The following RBM34 variants were observed in gnomAD, a reference collection of about 807,000 sequenced individuals.
RBM34 encodes the protein RNA binding motif protein 34.
In RBM34, 39 loss-of-function variants were observed where a neutral mutation model predicts 44.6. The observed-to-expected ratio is 0.87, with a 90% CI of 0.68 to 1.14. The LOEUF is 1.14. Ranked by LOEUF, RBM34 falls within the 50% of genes most tolerant of loss-of-function variation. RBM34 has a pLI of 0.00. For missense variants in RBM34, 572 were observed against 517.9 expected (o/e 1.10, Z -1.01); for synonymous variants, 194 against 184.0 (o/e 1.05, Z -0.44).
chr1:235,154,937 A>G lies in RBM34; in HGVS notation c.541T>C (p.Leu181=), dbSNP rs377585278. ...KIQINQEEER[L]KNERTVFVGN... ...ACAAACACAGTTCTCTCATTCTTTA[A>G]TCTCTCTTCTTCTTGGTTGATTTGA... Residue 181 remains leucine, a synonymous_variant, in exon 4 of 11, where the codon TTA becomes CTA. Coordinates refer to ENST00000408888, the MANE Select transcript of RBM34 (RefSeq NM_015014.4). The G allele has an allele frequency of 2.4e-5, 39 of 1,613,938 alleles. No individual in the cohort carries two copies. The highest frequency in any genetic ancestry group is 3.2e-5 in the Non-Finnish European group (38 of 1,179,952).
intron 3 of RBM34, among the ~76,000 whole-genome samples, chr1:235,156,901 G>C (rs1662474479): frequency 6.6e-6 from 1 of 152,192 alleles, no homozygotes. Context: ...ACATAAACGA[G>C]AAAGGCTTCT....
chr1:235,143,849 T>C (rs1661789996), intron 6 of RBM34, among the ~76,000 whole-genome samples: 2 of 151,902 alleles, frequency 1.3e-5, no homozygotes, highest in Admixed American at 6.6e-5. Context: ...TACTGAGCAA[T>C]AAAAACGAAT....
At chr1:235,154,844 A>G (rs763249404) in intron 4 of RBM34, 37 bp downstream of exon 4, 3 of 1,513,204 alleles carry the variant, frequency 2.0e-6, no homozygotes, top group South Asian at 2.3e-5. Context: ...GAACAAAGTT[A>G]TTAACTTCTC....
At chr1:235,141,559 G>A (rs1661682914) in intron 6 of RBM34, among the ~76,000 whole-genome samples, 1 of 152,186 alleles carries the variant, frequency 6.6e-6, no homozygotes, top group Non-Finnish European at 1.5e-5. Flanking sequence ...GCCCTAGCCA[G>A]CAGTGGCAAG....
At chr1:235,134,745 G>GTT (rs775688608) in intron 10 of RBM34, among the ~76,000 whole-genome samples, 20,510 of 136,686 alleles carry the variant, frequency 0.15, 1,633 homozygotes, top group Middle Eastern at 0.22. Flanking sequence ...TCGTTTTCGG[G>GTT]TTTTTTTTTT....
chr1:235,137,343 T>C (rs1382135077), intron 8 of RBM34, among the ~76,000 whole-genome samples: 1 of 152,214 alleles, frequency 6.6e-6, no homozygotes. Flanking sequence ...ATGTACCTTC[T>C]GACCTAATTA....
chr1:235,142,290 T>A (rs1477762263), intron 6 of RBM34, among the ~76,000 whole-genome samples: 1 of 151,936 alleles, frequency 6.6e-6, no homozygotes. Flanking sequence ...GCACTTTTTT[T>A]ATTTTGAGAC....
At chr1:235,148,841 G>A (rs191689803) in intron 5 of RBM34, among the ~76,000 whole-genome samples, 73 of 151,810 alleles carry the variant, frequency 4.8e-4, no homozygotes, top group Admixed American at 1.6e-3. Context: ...CTCGTGATCC[G>A]CCCACCTTGG....
At chr1:235,138,261 T>C in intron 6 of RBM34, 87 bp from the exon 7 acceptor site, 1 of 1,012,098 alleles carries the variant, frequency 9.9e-7, no homozygotes, top group Non-Finnish European at 1.5e-6. Context: ...AATCTAGCTG[T>C]TTTCAACTCT....
intron 6 of RBM34, among the ~76,000 whole-genome samples, chr1:235,144,713 C>T (rs1661831372): frequency 6.6e-6 from 1 of 152,052 alleles, no homozygotes; most frequent in African/African-American, 2.4e-5. Context: ...AGTCACTGCA[C>T]TTCTGCTGGA....
chr1:235,160,128 C>T, intron 3 of RBM34: 1 of 360,078 alleles, frequency 2.8e-6, no homozygotes, highest in Middle Eastern at 5.0e-4. Flanking sequence ...GTGACGCAGG[C>T]CTGTAGTCCC....
intron 3 of RBM34, among the ~76,000 whole-genome samples, chr1:235,155,822 C>CATATATATATATATATATATATATATAT: frequency 1.6e-5 from 1 of 64,198 alleles, no homozygotes; most frequent in Admixed American, 1.5e-4. Context: ...CATACATATA[C>CATATATATATATATATATATATATATAT]ATATATATAT....
chr1:235,149,379 A>C (rs895621895), intron 5 of RBM34, among the ~76,000 whole-genome samples: 1 of 139,468 alleles, frequency 7.2e-6, no homozygotes, highest in Non-Finnish European at 1.5e-5. Flanking sequence ...ACAGAACGAG[A>C]CTCCGTCTCA....
chr1:235,140,152 C>T (rs554550131), intron 6 of RBM34, among the ~76,000 whole-genome samples: 3 of 152,358 alleles, frequency 2.0e-5, no homozygotes, highest in African/African-American at 4.8e-5. Flanking sequence ...GCTTGCTCTC[C>T]GCACCTCCTC....
At position 235,137,959 on chromosome 1, in the gene RBM34, G is replaced by C; in HGVS notation, c.786-19C>G. 6.3e-7 allele frequency: 1 copy of C among 1,590,392 alleles called. No individual in the cohort carries two copies. The highest frequency in any genetic ancestry group is 8.6e-7 in the Non-Finnish European group (1 of 1,161,588). On this transcript the variant is annotated intron_variant, in intron 7 of 10. Coordinates refer to ENST00000408888, the MANE Select transcript of RBM34 (RefSeq NM_015014.4). ...CCCATTTCTGTATTATAAATACAAA[G>C]GGAAAATGGTTGTTAAAAATGAGCA... is the stretch of plus-strand genomic sequence containing the variant.
chr1:235,160,833 G>T, intron 2 of RBM34, 60 bp downstream of exon 2: 1 of 1,583,578 alleles, frequency 6.3e-7, no homozygotes, highest in South Asian at 1.1e-5. Context: ...TAGGTAAGAA[G>T]ATTGCTTTGT....
At chr1:235,138,205 A>C (rs762306132) in intron 6 of RBM34, 31 bp from the exon 7 acceptor site, 1 of 1,529,816 alleles carries the variant, frequency 6.5e-7, no homozygotes, top group Non-Finnish European at 8.9e-7. Flanking sequence ...GAAAGAAAGA[A>C]AAGAGAGACA....
At chr1:235,140,720 C>G (rs575058920) in intron 6 of RBM34, among the ~76,000 whole-genome samples, 2 of 152,358 alleles carry the variant, frequency 1.3e-5, no homozygotes, top group South Asian at 2.1e-4. Context: ...CCTGCAGCCC[C>G]GGTGCAGGAT....
chr1:235,135,902 A>C (rs765308959), intron 9 of RBM34, 132 bp from the exon 10 acceptor site: 7 of 1,202,682 alleles, frequency 5.8e-6, no homozygotes, highest in Admixed American at 2.1e-5. Flanking sequence ...TTTTTAGTAC[A>C]TGTGCTGCCA....
Sources: allele counts gnomAD v4.1 joint callset (sites outside exome capture counted in the v4.1 genomes callset), GRCh38; gene constraint gnomAD v4.1.1; transcripts MANE v1.5; gene names NCBI Gene and HGNC (gene_info 2026-07-23, HGNC 2026-07-21).